Variants in SORBS3 observed in about 807,000 individuals in gnomAD.
SORBS3 encodes the protein vinexin.
SORBS3 carries 69 observed loss-of-function variants against 98.0 expected under a neutral mutation model. That is an observed-to-expected ratio of 0.70 (90% CI 0.58 to 0.86). The LOEUF is 0.86. Ranked by LOEUF, SORBS3 falls within the 40% of genes least tolerant of loss-of-function variation. SORBS3 has a pLI of 0.00. For synonymous variants in SORBS3, 394 were observed against 355.4 expected, an observed-to-expected ratio of 1.11 and a Z score of -1.22; for missense variants, 954 against 908.5, an observed-to-expected ratio of 1.05 and a Z score of -0.64.
intron 14 of SORBS3, 44 bp from the exon 15 acceptor site, chr8:22,566,778 C>T: frequency 1.2e-6 from 2 of 1,613,728 alleles, no homozygotes; most frequent in African/African-American, 1.3e-5. Flanking sequence ...GGATCTGCCA[C>T]CCGCCCAACT....
In SORBS3 at chr8:22,554,764, C is replaced by T; in HGVS notation, c.103-99C>T. ...GTTTCCCACAAAATCGTCAGGCGGGCCTGGGACTGTCACCGAGGGGTGTGG... is the reference window on the plus strand; with the variant it reads ...GTTTCCCACAAAATCGTCAGGCGGGTCTGGGACTGTCACCGAGGGGTGTGG... On this transcript the variant is annotated intron_variant, in intron 2 of 20. Coordinates refer to ENST00000240123, the MANE Select transcript of SORBS3 (RefSeq NM_005775.5). The surrounding 1 kb of genome is among the most constrained non-coding windows in gnomAD (Gnocchi z 6.5). The T allele has an allele frequency of 7.2e-7, 1 of 1,392,878 alleles. No individual in the cohort carries two copies. 86.3% of individuals were successfully genotyped at this position (1,392,878 alleles called of 1,614,324 possible). A position where few individuals can be genotyped will look rare whatever the true frequency, so the allele number is the denominator to read the frequency against.
At chr8:22,573,188 C>T in intron 20 of SORBS3, 1 of 379,012 alleles carries the variant, frequency 2.6e-6, no homozygotes, top group East Asian at 7.3e-5. Flanking sequence ...TGTACTGACC[C>T]ACCCAGGACC....
chr8:22,552,365 G>A (rs1395903870), intron 1 of SORBS3, among the ~76,000 whole-genome samples: 3 of 152,228 alleles, frequency 2.0e-5, no homozygotes, highest in Non-Finnish European at 4.4e-5. Context: ...CCTGCCTGGA[G>A]GGGAGGTCTG....
At chr8:22,558,911 A>T (rs1055726507) in intron 5 of SORBS3, among the ~76,000 whole-genome samples, 10 of 152,238 alleles carry the variant, frequency 6.6e-5, no homozygotes, top group Admixed American at 2.0e-4. Flanking sequence ...CCAGAGGTAG[A>T]AGCATGTTCT....
At chr8:22,573,285 T>C (rs1840637261) in intron 20 of SORBS3, 4 of 454,018 alleles carry the variant, frequency 8.8e-6, no homozygotes, top group South Asian at 6.2e-5. Context: ...ATTTACTGGA[T>C]ACACTTTTGC....
chr8:22,572,494 G>A, intron 20 of SORBS3, 48 bp downstream of exon 20: 2 of 1,433,902 alleles, frequency 1.4e-6, no homozygotes, highest in Non-Finnish European at 2.0e-6. Context: ...CAGGGGATGT[G>A]GGTGGGGTGC....
intron 1 of SORBS3, among the ~76,000 whole-genome samples, chr8:22,545,924 T>A (rs1487333351): frequency 6.6e-6 from 1 of 152,232 alleles, no homozygotes; most frequent in East Asian, 1.9e-4. Flanking sequence ...GTGACCCCCA[T>A]AGCTGTTTTT....
chr8:22,566,363 C>T lies in SORBS3; in HGVS notation c.969C>T (p.Ser323=), dbSNP rs769455680. The T allele has an allele frequency of 1.6e-5, 26 of 1,613,608 alleles. No homozygotes were observed. The East Asian group carries it at 5.6e-4, about 35-fold the overall frequency. ...RPPAGPASAW[S]SSYPHAPYLG... ...CGTGCAGCCCGGCCTCAGCCTGGAG[C>T]TCCAGCTACCCACATGCACCTTACC... The change falls in exon 13 of 21, where the codon AGC becomes AGT. Residue 323 remains serine, a synonymous_variant. Coordinates refer to ENST00000240123, the MANE Select transcript of SORBS3 (RefSeq NM_005775.5).
In SORBS3 at chr8:22,554,449, C is replaced by T; in HGVS notation, c.-55-3C>T. 6.3e-7 allele frequency: 1 copy of T among 1,581,188 alleles called. No individual in the cohort carries two copies. The highest frequency in any genetic ancestry group is 8.6e-7 in the Non-Finnish European group (1 of 1,168,996). On this transcript the variant is annotated splice_polypyrimidine_tract_variant and splice_region_variant and intron_variant, in intron 1 of 20. Transcript: ENST00000240123. This position sits in a 1 kb window ranked among gnomAD's most constrained non-coding sequence, Gnocchi z 6.5. ...CTTTCCCTTCCTTCCTCCTTCCCCA[C>T]AGAGGACACGCAGAGGAGCAGCTGG... is the stretch of plus-strand genomic sequence containing the variant.
At position 22,566,456 on chromosome 8, in the gene SORBS3, G is replaced by A. The variant is rs1050252367; in HGVS notation, c.1062G>A (p.Arg354=). The change falls in exon 13 of 21, where the codon AGG becomes AGA. Residue 354 remains arginine (R), a synonymous_variant. Transcript: ENST00000240123. Reference sequence around the variant, plus strand: ...GAGGAAGCCCCTTCCTAGGTCGGAGGGACTTTGTCTACCCTTCCTCAACCC... The same window carrying A: ...GAGGAAGCCCCTTCCTAGGTCGGAGAGACTTTGTCTACCCTTCCTCAACCC... The part of the protein sequence containing the change: ...ADGGSPFLGR[R]DFVYPSSTRD... 6 of 1,613,834 alleles carry A rather than the reference G, an allele frequency of 3.7e-6. No homozygotes were observed. The highest frequency in any genetic ancestry group is 1.3e-5 in the African/African-American group (1 of 74,928).
Position 22,562,558 on chromosome 8 carries a change from A to T in SORBS3, c.584+627A>T, listed in dbSNP as rs756322048. Among the ~76,000 whole-genome samples, 38 of 152,308 alleles carry T rather than the reference A, an allele frequency of 2.5e-4. 1 individual carries two copies. Among genetic ancestry groups the T allele is most frequent in the Middle Eastern group, 3.4e-3 (1 of 294 alleles). On this transcript the variant is annotated intron_variant, in intron 7 of 20. Transcript: ENST00000240123. ...CTTGCAGGGAAGGACTCGTCTCATT[A>T]GCATGGCTGAAACTGGCCCGTAGCT...
At chr8:22,561,238 A>C in intron 5 of SORBS3, 97 bp from the exon 6 acceptor site, 1 of 1,199,956 alleles carries the variant, frequency 8.3e-7, no homozygotes, top group Non-Finnish European at 1.2e-6. Context: ...TCAGCCCCCT[A>C]CTCTAGGGAT....
At chr8:22,563,762 G>A (rs1422333436) in intron 7 of SORBS3, among the ~76,000 whole-genome samples, 2 of 152,222 alleles carry the variant, frequency 1.3e-5, no homozygotes, top group African/African-American at 2.4e-5. Context: ...TGAGGGATCA[G>A]TAACTTGTTC....
chr8:22,553,736 T>G (rs1840130618), intron 1 of SORBS3, among the ~76,000 whole-genome samples: 1 of 152,194 alleles, frequency 6.6e-6, no homozygotes, highest in Non-Finnish European at 1.5e-5. Flanking sequence ...CCCAGGGCAC[T>G]CAGCACCAAC....
chr8:22,557,319 G>A (rs1334029228), intron 4 of SORBS3, among the ~76,000 whole-genome samples: 1 of 152,208 alleles, frequency 6.6e-6, no homozygotes, highest in Admixed American at 6.5e-5. Context: ...ACTGTGGCAA[G>A]CGTGGAAGGA....
upstream of SORBS3, among the ~76,000 whole-genome samples, chr8:22,548,928 C>T (rs1840044554): frequency 6.6e-6 from 1 of 152,232 alleles, no homozygotes; most frequent in Admixed American, 6.5e-5. Context: ...TCTCCCCCTC[C>T]CTGTGAAGAG....
intron 17 of SORBS3, among the ~76,000 whole-genome samples, chr8:22,570,325 G>A (rs1330493894): frequency 1.3e-5 from 2 of 152,338 alleles, no homozygotes; most frequent in African/African-American, 2.4e-5. Flanking sequence ...CAGCCAGCCT[G>A]TGGCCTTCAG....
Position 22,569,176 on chromosome 8 carries a change from C to T in SORBS3, c.1334C>T (p.Pro445Leu). Residue 445 changes from proline to leucine, a missense_variant, in exon 17 of 21, where the codon CCC becomes CTC. Pro to Leu is a moderately conservative substitution (Grantham distance 98). Coordinates refer to ENST00000240123, the MANE Select transcript of SORBS3 (RefSeq NM_005775.5). The stretch of plus-strand genomic sequence containing the variant: ...CTGCCCGCAGATGAGATCCCTAAGC[C>T]CATCAAGCCCCCGACCTACCAGGTG... ...EVLPADEIPK[P>L]IKPPTYQVLE... 1 of 1,610,852 alleles carries T rather than the reference C, an allele frequency of 6.2e-7. No homozygotes were observed.
At chr8:22,565,744 G>T in intron 11 of SORBS3, 82 bp from the exon 12 acceptor site, 1 of 1,275,180 alleles carries the variant, frequency 7.8e-7, no homozygotes, top group South Asian at 2.4e-5. Flanking sequence ...CTCCCGAGCC[G>T]CGAACTTTTC....
Sources: allele counts gnomAD v4.1 joint callset (sites outside exome capture counted in the v4.1 genomes callset), GRCh38; gene constraint gnomAD v4.1.1; non-coding constraint Gnocchi (gnomAD v3.1); transcripts MANE v1.5; gene names NCBI Gene and HGNC (gene_info 2026-07-23, HGNC 2026-07-21).